The following DCDC1 variants were observed in gnomAD, a reference collection of about 807,000 sequenced individuals.
DCDC1 encodes doublecortin domain containing 1, also known as doublecortin domain-containing protein 1.
A neutral mutation model predicts 178.3 loss-of-function variants in DCDC1; 200 were observed. That is an observed-to-expected ratio of 1.12 (90% CI 1.00 to 1.26). DCDC1 has a LOEUF of 1.26. Among genes scored for constraint, DCDC1 ranks in the 50% most tolerant of loss-of-function variants. DCDC1 has a pLI of 0.00. For missense variants in DCDC1, 1,983 were observed against 1,749.2 expected, an observed-to-expected ratio of 1.13 and a Z score of -2.38; for synonymous variants, 690 against 604.8, an observed-to-expected ratio of 1.14 and a Z score of -2.07.
chr11:30,888,153 AGAAAGAAAGG>A (rs1369214361), intron 36 of DCDC1, among the ~76,000 whole-genome samples: 278 of 142,530 alleles, frequency 2.0e-3, no homozygotes, highest in African/African-American at 7.9e-3. Context: ...AAAGAAAGAA[AGAAAGAAAGG>A]GAAAGAAAGA....
At chr11:31,043,372 T>C (rs1954607867) in intron 20 of DCDC1, among the ~76,000 whole-genome samples, 1 of 152,202 alleles carries the variant, frequency 6.6e-6, no homozygotes, top group South Asian at 2.1e-4. Context: ...GCTGCTGACA[T>C]CATGTTCCTT....
At chr11:31,344,082 T>C (rs867064432) in intron 1 of DCDC1, among the ~76,000 whole-genome samples, 1 of 152,178 alleles carries the variant, frequency 6.6e-6, no homozygotes, top group South Asian at 2.1e-4. Flanking sequence ...GTAGAACATA[T>C]TCACAGGCTA....
intron 1 of DCDC1, among the ~76,000 whole-genome samples, chr11:31,345,952 TAGG>T (rs1442675033): frequency 1.3e-5 from 2 of 152,150 alleles, no homozygotes; most frequent in East Asian, 3.9e-4. Context: ...GGGAAGTTTA[TAGG>T]AGATGAATCT....
intron 20 of DCDC1, among the ~76,000 whole-genome samples, chr11:31,053,358 A>T (rs781728443): frequency 6.6e-6 from 1 of 152,162 alleles, no homozygotes; most frequent in Non-Finnish European, 1.5e-5. Flanking sequence ...CAACAAAAAA[A>T]GTCCAGCACC....
At chr11:30,907,288 A>G (rs1016127087) in intron 29 of DCDC1, among the ~76,000 whole-genome samples, 1 of 152,226 alleles carries the variant, frequency 6.6e-6, no homozygotes, top group South Asian at 2.1e-4. Flanking sequence ...ACTGGCATCA[A>G]TTTAAAACTC....
At chr11:31,330,641 T>C (rs1445511508) in intron 2 of DCDC1, among the ~76,000 whole-genome samples, 3 of 152,232 alleles carry the variant, frequency 2.0e-5, no homozygotes, top group Non-Finnish European at 4.4e-5. Flanking sequence ...CCAGCACCAT[T>C]TATTAAATAG....
chr11:30,892,917 G>A lies in DCDC1; in HGVS notation c.4983C>T (p.Ser1661=). The A allele has an allele frequency of 6.2e-7, 1 of 1,613,924 alleles. No individual in the cohort carries two copies. Among genetic ancestry groups the A allele is most frequent in the Non-Finnish European group, 8.5e-7 (1 of 1,179,852 alleles). Residue 1661 remains serine (S), a synonymous_variant, in exon 36 of 39, where the codon AGC becomes AGT. Transcript: ENST00000684477. ...TTGTGTTGGGCTGCTTATACAGGTTGCTCGGCTTGACTGCTATACGTTTGG... is the reference window on the plus strand; with the variant it reads ...TTGTGTTGGGCTGCTTATACAGGTTACTCGGCTTGACTGCTATACGTTTGG... ...IATKRIAVKP[S]NLYKQPNTKR... is the part of the protein sequence containing the mutation.
intron 25 of DCDC1, among the ~76,000 whole-genome samples, chr11:30,918,914 G>A (rs142233820): frequency 3.5e-4 from 53 of 152,076 alleles, no homozygotes; most frequent in Non-Finnish European, 6.5e-4. Flanking sequence ...TGTTTGTGCC[G>A]GACACCTTTA....
At chr11:30,998,908 G>A (rs1476189467) in intron 20 of DCDC1, among the ~76,000 whole-genome samples, 1 of 152,050 alleles carries the variant, frequency 6.6e-6, no homozygotes, top group African/African-American at 2.4e-5. Flanking sequence ...AAGTGATCAA[G>A]GTTAACATCA....
intron 20 of DCDC1, among the ~76,000 whole-genome samples, chr11:31,030,945 C>G (rs1014156107): frequency 6.6e-6 from 1 of 151,898 alleles, no homozygotes; most frequent in Admixed American, 6.6e-5. Context: ...TTATTTTTAT[C>G]TGAGTTCTTA....
chr11:31,270,128 A>C (rs979240908), intron 7 of DCDC1, among the ~76,000 whole-genome samples: 1 of 152,212 alleles, frequency 6.6e-6, no homozygotes, highest in African/African-American at 2.4e-5. Flanking sequence ...TGTAGGAGTT[A>C]GCAAACTACA....
chr11:31,124,351 T>C (rs1472047919), intron 11 of DCDC1, among the ~76,000 whole-genome samples: 2 of 152,152 alleles, frequency 1.3e-5, no homozygotes, highest in Non-Finnish European at 2.9e-5. Context: ...GAACCAGCCA[T>C]ACTCCCCAAA....
At position 31,173,093 on chromosome 11, in the gene DCDC1, A is replaced by G. The variant is rs377684607; in HGVS notation, c.1222-35309T>C. Among the ~76,000 whole-genome samples the G allele has an allele frequency of 7.9e-5, 12 of 152,248 alleles. No individual in the cohort carries two copies. The East Asian group carries it at 9.6e-4, about 12-fold the overall frequency. ...CAGATGACCTCGAGGATTATGTATC[A>G]ATGCCTGAAGGATAGAGGCTGGTTT... is the stretch of plus-strand genomic sequence containing the variant. On this transcript the variant is annotated intron_variant, in intron 9 of 38. Coordinates refer to ENST00000684477, the MANE Select transcript of DCDC1 (RefSeq NM_001387274.1).
intron 1 of DCDC1, among the ~76,000 whole-genome samples, chr11:31,360,352 C>A (rs921716333): frequency 1.3e-5 from 2 of 152,118 alleles, no homozygotes; most frequent in African/African-American, 4.8e-5. Flanking sequence ...GGCCAAAAGT[C>A]AAGTACAGTA....
At chr11:30,954,565 T>C (rs938178387) in intron 20 of DCDC1, among the ~76,000 whole-genome samples, 34 of 152,350 alleles carry the variant, frequency 2.2e-4, no homozygotes, top group African/African-American at 7.9e-4. Context: ...ATTGTATTTA[T>C]AATTAAAGAT....
intron 20 of DCDC1, among the ~76,000 whole-genome samples, chr11:30,989,008 C>A (rs1023178523): frequency 6.6e-6 from 1 of 152,170 alleles, no homozygotes; most frequent in Non-Finnish European, 1.5e-5. Context: ...TTGGGAATCA[C>A]TGATATTTCT....
At chr11:31,111,758 G>A (rs546108384) in intron 11 of DCDC1, among the ~76,000 whole-genome samples, 18 of 152,236 alleles carry the variant, frequency 1.2e-4, no homozygotes, top group African/African-American at 4.3e-4. Context: ...AATTCTAGGT[G>A]GCATGTATTC....
chr11:31,351,293 C>T (rs1480204365), intron 1 of DCDC1, among the ~76,000 whole-genome samples: 1 of 151,998 alleles, frequency 6.6e-6, no homozygotes, highest in Non-Finnish European at 1.5e-5. Context: ...ATGGCTCTGG[C>T]ATATTTATTT....
At chr11:30,877,365 G>A (rs373376844) in intron 38 of DCDC1, among the ~76,000 whole-genome samples, 12 of 152,094 alleles carry the variant, frequency 7.9e-5, no homozygotes, top group African/African-American at 2.2e-4. Flanking sequence ...CTGGGAAGAA[G>A]AGCATTTCTC....
Sources: allele counts gnomAD v4.1 joint callset (sites outside exome capture counted in the v4.1 genomes callset), GRCh38; gene constraint gnomAD v4.1.1; transcripts MANE v1.5; gene names NCBI Gene and HGNC (gene_info 2026-07-23, HGNC 2026-07-21).